PRDM11: variants seen among roughly 807,000 people sequenced by gnomAD.
PRDM11 encodes PR domain-containing protein 11.
A neutral mutation model predicts 97.8 loss-of-function variants in PRDM11; 20 were observed. The ratio of observed to expected loss-of-function variants is 0.20; its 90% CI spans 0.14 to 0.30. The LOEUF is 0.30. Among genes scored for constraint, PRDM11 ranks in the 10% least tolerant of loss-of-function variants. PRDM11 has a pLI of 1.00. For synonymous variants in PRDM11, 599 were observed against 637.7 expected, an observed-to-expected ratio of 0.94 and a Z score of 0.91; for missense variants, 1,139 against 1,555.2, an observed-to-expected ratio of 0.73 and a Z score of 4.50.
intron 1 of PRDM11, among the ~76,000 whole-genome samples, chr11:45,106,301 C>T (rs768619680): frequency 6.6e-6 from 1 of 152,154 alleles, no homozygotes; most frequent in Non-Finnish European, 1.5e-5. Flanking sequence ...CCCTCGCAAG[C>T]CACACAGCCG....
At position 45,182,961 on chromosome 11, in the gene PRDM11, G is replaced by T. The variant is rs1239706003; in HGVS notation, c.324G>T (p.Arg108=). ...DTPVPVGIPD[R]AALTIPQGME... is the part of the protein sequence containing the mutation. ...CGGTGCCCGTGGGCATCCCAGACCG[G>T]GCGGCGCTCACCATCCCACAGGGCA... Residue 108 remains arginine, a synonymous_variant, in exon 4 of 8, where the codon CGG becomes CGT. Coordinates refer to ENST00000683152, the MANE Select transcript of PRDM11 (RefSeq NM_001384648.1). 8 of 1,613,812 alleles carry T rather than the reference G, an allele frequency of 5.0e-6. No homozygotes were observed. In the South Asian group the frequency reaches 8.8e-5, roughly 18 times the overall value.
chr11:45,201,687 G>A (rs1853331524), intron 4 of PRDM11, among the ~76,000 whole-genome samples: 1 of 152,114 alleles, frequency 6.6e-6, no homozygotes, highest in Admixed American at 6.5e-5. Flanking sequence ...TTGTAGAGAG[G>A]CTGGGCGCAG....
intron 1 of PRDM11, among the ~76,000 whole-genome samples, chr11:45,122,222 CA>C (rs1852448424): frequency 4.4e-5 from 6 of 135,762 alleles, no homozygotes; most frequent in African/African-American, 1.5e-4. Flanking sequence ...CACACACACA[CA>C]CACACACACA....
At chr11:45,177,970 G>A (rs1046179164) in intron 1 of PRDM11, among the ~76,000 whole-genome samples, 1 of 152,172 alleles carries the variant, frequency 6.6e-6, no homozygotes, top group African/African-American at 2.4e-5. Flanking sequence ...AAGGTGGGAT[G>A]TGAGAGATAG....
At chr11:45,146,419 C>T (rs941433129), upstream of PRDM11, among the ~76,000 whole-genome samples, 2 of 152,142 alleles carry the variant, frequency 1.3e-5, no homozygotes, top group Non-Finnish European at 1.5e-5. Context: ...TTTTTTTCAT[C>T]TATTTTTTTC....
At chr11:45,196,029 G>A (rs893796585) in intron 4 of PRDM11, among the ~76,000 whole-genome samples, 4 of 151,862 alleles carry the variant, frequency 2.6e-5, no homozygotes, top group South Asian at 2.1e-4. Flanking sequence ...TATTTCTTTC[G>A]GGCATAATAC....
chr11:45,179,525 C>T lies in PRDM11; in HGVS notation c.-6-2236C>T, dbSNP rs118129345. ...TTAAACAACAGCCATTTATTTCTCA[C>T]GGTTTTAGAGCCTAGGAAGTCCAAG... On this transcript the variant is annotated intron_variant, in intron 1 of 7. Coordinates refer to ENST00000683152, the MANE Select transcript of PRDM11 (RefSeq NM_001384648.1). 5.7e-3 allele frequency among the ~76,000 whole-genome samples: 868 copies of T among 152,292 alleles called. 4 individuals are homozygous for T. The highest frequency in any genetic ancestry group is 9.4e-3 in the Non-Finnish European group (640 of 68,018).
chr11:45,124,406 T>A (rs1852517003), intron 1 of PRDM11, among the ~76,000 whole-genome samples: 1 of 152,078 alleles, frequency 6.6e-6, no homozygotes, highest in Non-Finnish European at 1.5e-5. Flanking sequence ...AGAGAGGGCA[T>A]CCCTGTCTTG....
chr11:45,191,870 G>T (rs931466302), intron 4 of PRDM11, among the ~76,000 whole-genome samples: 9 of 151,844 alleles, frequency 5.9e-5, no homozygotes, highest in African/African-American at 2.2e-4. Context: ...TGGGATACAT[G>T]TGCAGAACCT....
At chr11:45,193,986 T>G (rs144411695) in intron 4 of PRDM11, among the ~76,000 whole-genome samples, 1 of 152,234 alleles carries the variant, frequency 6.6e-6, no homozygotes, top group Non-Finnish European at 1.5e-5. Flanking sequence ...TTCTACATTT[T>G]GAGGCTTTGC....
intron 1 of PRDM11, among the ~76,000 whole-genome samples, chr11:45,122,202 GACACAC>G (rs756403475): frequency 1.8e-4 from 26 of 145,114 alleles, no homozygotes; most frequent in Middle Eastern, 3.5e-3. Context: ...CACACACACA[GACACAC>G]ACACACACAC....
rs539098095 is a variant in PRDM11 at position 45,229,945 on chromosome 11, C to T, written c.*1786C>T. On this transcript the variant is annotated 3_prime_UTR_variant, in exon 8 of 8. Coordinates refer to ENST00000683152, the MANE Select transcript of PRDM11 (RefSeq NM_001384648.1). ...TTGGTTTATGTTGTCTCTGAGGCCT[C>T]ATGCCACCGTTGAGAACCATAGTGG... is the stretch of plus-strand genomic sequence containing the variant. The T allele has an allele frequency of 6.6e-5, 10 of 152,178 alleles. No individual in the cohort carries two copies. The Middle Eastern group carries it at 0.014, about 207-fold the overall frequency. 9.4% of individuals were successfully genotyped at this position (152,178 alleles called of 1,614,324 possible). A position where few individuals can be genotyped will look rare whatever the true frequency, so the allele number is the denominator to read the frequency against.
At chr11:45,165,022 T>A (rs1382181170) in intron 1 of PRDM11, among the ~76,000 whole-genome samples, 1 of 152,162 alleles carries the variant, frequency 6.6e-6, no homozygotes, top group Admixed American at 6.5e-5. Flanking sequence ...CTGATTTCAC[T>A]CTCATCCCCA....
At chr11:45,119,292 A>T (rs1431612748) in intron 1 of PRDM11, among the ~76,000 whole-genome samples, 1 of 152,172 alleles carries the variant, frequency 6.6e-6, no homozygotes, top group Non-Finnish European at 1.5e-5. Context: ...GAAGCTCAAA[A>T]CATTCCAAGG....
intron 5 of PRDM11, among the ~76,000 whole-genome samples, chr11:45,211,484 G>A (rs1332696995): frequency 1.3e-5 from 2 of 152,014 alleles, no homozygotes; most frequent in East Asian, 3.9e-4. Context: ...GCAGAGGCTG[G>A]GCCCCCTCCC....
upstream of PRDM11, among the ~76,000 whole-genome samples, chr11:45,146,480 T>G (rs537538380): frequency 6.6e-6 from 1 of 152,228 alleles, no homozygotes; most frequent in East Asian, 1.9e-4. Flanking sequence ...CCTTTGGGTT[T>G]GGAGAGCCGG....
At chr11:45,135,141 C>T (rs1436598137) in intron 1 of PRDM11, among the ~76,000 whole-genome samples, 1 of 151,408 alleles carries the variant, frequency 6.6e-6, no homozygotes, top group Non-Finnish European at 1.5e-5. Flanking sequence ...CTCTCTCTCT[C>T]TCTCTCTCTC....
chr11:45,154,815 G>T (rs1204575309), intron 1 of PRDM11, among the ~76,000 whole-genome samples: 1 of 152,214 alleles, frequency 6.6e-6, no homozygotes, highest in African/African-American at 2.4e-5. Flanking sequence ...TCAGAGAGGG[G>T]AAGTGACTTA....
Position 45,227,637 on chromosome 11 carries a change from T to C in PRDM11, c.3012T>C (p.Tyr1004=). ...GGAGCAGTGAGGAGCTGATGAGCTA[T>C]GGCAAGGAGGATATGGTGCAAATAT... ...WPRSSEELMS[Y]GKEDMVQIFD... Residue 1004 remains tyrosine, a synonymous_variant, in exon 8 of 8, where the codon TAT becomes TAC. Transcript: ENST00000683152. The surrounding 1 kb of genome is among the most constrained non-coding windows in gnomAD (Gnocchi z 8.0). 33 of 1,533,888 alleles carry C rather than the reference T, an allele frequency of 2.2e-5. No individual in the cohort carries two copies. Among genetic ancestry groups the C allele is most frequent in the Non-Finnish European group, 2.7e-5 (31 of 1,146,708 alleles).
Sources: gnomAD v4.1 joint callset for allele counts (sites outside exome capture counted in the v4.1 genomes callset) on GRCh38, gnomAD v4.1.1 for gene constraint, Gnocchi (gnomAD v3.1) non-coding constraint, MANE v1.5 for transcripts, NCBI Gene and HGNC (gene_info 2026-07-23, HGNC 2026-07-21) for gene names.